Variants in SRRM4 observed in about 807,000 individuals in gnomAD.
SRRM4 encodes serine/arginine repetitive matrix 4.
SRRM4 carries 33 observed loss-of-function variants against 68.9 expected under a neutral mutation model. The ratio of observed to expected loss-of-function variants is 0.48; its 90% CI spans 0.36 to 0.64. SRRM4 has a LOEUF of 0.64. SRRM4 is among the 30% of genes least tolerant of loss of function. The probability of loss-of-function intolerance (pLI) is 0.00; values close to 1 mark genes in which losing one functional copy is unlikely to be tolerated. For missense variants in SRRM4, 817 were observed against 827.1 expected, an observed-to-expected ratio of 0.99 and a Z score of 0.15; for synonymous variants, 318 against 318.8, an observed-to-expected ratio of 1.00 and a Z score of 0.03.
At chr12:119,085,368 G>A (rs1953974096) in intron 1 of SRRM4, among the ~76,000 whole-genome samples, 1 of 152,218 alleles carries the variant, frequency 6.6e-6, no homozygotes, top group African/African-American at 2.4e-5. Flanking sequence ...GTAGTCAATT[G>A]CTCAAGGTCA....
At chr12:119,044,073 G>A (rs764000720) in intron 1 of SRRM4, among the ~76,000 whole-genome samples, 2 of 152,006 alleles carry the variant, frequency 1.3e-5, no homozygotes, top group Non-Finnish European at 2.9e-5. Flanking sequence ...CTCCATGTTG[G>A]TCAGGCTGGT....
chr12:119,058,565 C>T (rs1407604251), intron 1 of SRRM4, among the ~76,000 whole-genome samples: 1 of 152,180 alleles, frequency 6.6e-6, no homozygotes, highest in Non-Finnish European at 1.5e-5. Context: ...TGTTGGTCAC[C>T]TTGCTCTTCC....
intron 8 of SRRM4, among the ~76,000 whole-genome samples, chr12:119,144,883 A>G (rs1404376909): frequency 6.6e-6 from 1 of 152,192 alleles, no homozygotes; most frequent in Non-Finnish European, 1.5e-5. Context: ...TTCAAAAAAA[A>G]TTGTTAAATT....
At chr12:119,044,126 C>T (rs186322937) in intron 1 of SRRM4, among the ~76,000 whole-genome samples, 2 of 152,340 alleles carry the variant, frequency 1.3e-5, no homozygotes, top group African/African-American at 4.8e-5. Context: ...CTCGGCCTCC[C>T]GAAGTGCTGG....
At chr12:119,078,827 GGC>G (rs1565903644) in intron 1 of SRRM4, among the ~76,000 whole-genome samples, 4 of 152,178 alleles carry the variant, frequency 2.6e-5, no homozygotes, top group Non-Finnish European at 4.4e-5. Context: ...CTACTCTGGA[GGC>G]TGAGGCAGGA....
chr12:119,076,186 CA>C (rs1470740001), intron 1 of SRRM4, among the ~76,000 whole-genome samples: 11 of 152,222 alleles, frequency 7.2e-5, no homozygotes, highest in African/African-American at 2.6e-4. Flanking sequence ...ATGATAATGA[CA>C]GTGATGACAA....
At chr12:119,111,901 C>A (rs1353811416) in intron 2 of SRRM4, among the ~76,000 whole-genome samples, 1 of 152,040 alleles carries the variant, frequency 6.6e-6, no homozygotes, top group Admixed American at 6.6e-5. Context: ...CAAAAATTAG[C>A]CTGGCTTGGT....
rs1242262686 is a variant in SRRM4, at chr12:119,160,253, CTCTCTCTCTCTGTCTCTCTCTCTG to C, written c.*3479_*3502del. On this transcript the variant is annotated 3_prime_UTR_variant, in exon 13 of 13. Transcript: ENST00000267260. The stretch of plus-strand genomic sequence containing the variant: ...GCCTGCTTCGGGGAAATCTCTGCCT[CTCTCTCTCTCTGTCTCTCTCTCTG>C]TCTCTCTCTCTGTCTCTCTCTCTCT... 29 of 150,176 alleles carry C rather than the reference CTCTCTCTCTCTGTCTCTCTCTCTG, an allele frequency of 1.9e-4. 1 individual carries two copies. The East Asian group carries it at 5.7e-3, about 29-fold the overall frequency. The allele number at this position is 150,176 out of a possible 1,614,324, so 9.3% of individuals were successfully genotyped here. A position where few individuals can be genotyped will look rare whatever the true frequency, so the allele number is the denominator to read the frequency against.
chr12:118,987,673 G>A (rs1953290787), intron 1 of SRRM4, among the ~76,000 whole-genome samples: 1 of 152,180 alleles, frequency 6.6e-6, no homozygotes, highest in African/African-American at 2.4e-5. Flanking sequence ...TGTGAGGACT[G>A]GATGAGCTAA....
In SRRM4 at chr12:119,055,336, A is replaced by G. The variant is rs78734090; in HGVS notation, c.132-46900A>G. Among the ~76,000 whole-genome samples, 1,323 of 152,178 alleles carry G rather than the reference A, an allele frequency of 8.7e-3. 12 individuals carry two copies. Among genetic ancestry groups the G allele is most frequent in the African/African-American group, 0.019 (771 of 41,524 alleles). ...GTAACTCCCTCCCCACATGCCTCAC[A>G]AGACTATTCTAAAAAGCACACGCAA... On this transcript the variant is annotated intron_variant, in intron 1 of 12. Coordinates refer to ENST00000267260, the MANE Select transcript of SRRM4 (RefSeq NM_194286.4).
intron 1 of SRRM4, among the ~76,000 whole-genome samples, chr12:118,999,507 A>G (rs1045674718): frequency 3.3e-5 from 5 of 152,222 alleles, no homozygotes; most frequent in African/African-American, 1.2e-4. Flanking sequence ...GGCATATTGC[A>G]TTTAAAAGAG....
At chr12:119,140,460 C>T (rs1285805434) in intron 8 of SRRM4, among the ~76,000 whole-genome samples, 1 of 152,134 alleles carries the variant, frequency 6.6e-6, no homozygotes, top group African/African-American at 2.4e-5. Context: ...TCTCTAATTG[C>T]ATTTTTGTAC....
chr12:119,148,008 C>A (rs1954415140), intron 9 of SRRM4, among the ~76,000 whole-genome samples: 1 of 151,668 alleles, frequency 6.6e-6, no homozygotes, highest in Non-Finnish European at 1.5e-5. Flanking sequence ...ATGGAACAGT[C>A]CTTTTTCTCA....
At chr12:119,140,364 C>T (rs1195078259) in intron 8 of SRRM4, among the ~76,000 whole-genome samples, 1 of 142,010 alleles carries the variant, frequency 7.0e-6, no homozygotes, top group Non-Finnish European at 1.5e-5. Context: ...GGCAACAGAG[C>T]GAGACTCTGT....
chr12:119,129,580 C>A (rs1228961585), intron 7 of SRRM4, among the ~76,000 whole-genome samples: 1 of 152,224 alleles, frequency 6.6e-6, no homozygotes, highest in African/African-American at 2.4e-5. Flanking sequence ...CCCAGACATA[C>A]ACATAGTCAC....
chr12:119,145,263 C>CCT (rs931761848), intron 8 of SRRM4, 118 bp from the exon 9 acceptor site: 29 of 882,966 alleles, frequency 3.3e-5, no homozygotes, highest in Admixed American at 1.4e-4. Flanking sequence ...TCTTTCTTCT[C>CCT]CTCTCTCTCT....
chr12:119,043,867 T>C (rs1341109889), intron 1 of SRRM4, among the ~76,000 whole-genome samples: 3 of 151,400 alleles, frequency 2.0e-5, no homozygotes, highest in Non-Finnish European at 4.4e-5. Flanking sequence ...CCCTGGACTT[T>C]TGTTTTTTGT....
At chr12:119,035,883 G>A (rs1048835854) in intron 1 of SRRM4, among the ~76,000 whole-genome samples, 1 of 152,022 alleles carries the variant, frequency 6.6e-6, no homozygotes, top group African/African-American at 2.4e-5. Context: ...TTATCTGCTG[G>A]CCCCTGGCTT....
At position 119,159,161 on chromosome 12, in the gene SRRM4, C is replaced by G. The variant is rs563769319; in HGVS notation, c.*2363C>G. On this transcript the variant is annotated 3_prime_UTR_variant, in exon 13 of 13. Transcript: ENST00000267260. ...AGCCTGGAACACCCTGGGGTTGGCC[C>G]AGAAGGAGGCACATCAGTCCCAAAA... The G allele has an allele frequency of 6.6e-6, 1 of 152,200 alleles. No individual in the cohort carries two copies. The highest frequency in any genetic ancestry group is 6.5e-5 in the Admixed American group (1 of 15,278). 9.4% of individuals were successfully genotyped at this position (152,200 alleles called of 1,614,324 possible).
Sources: allele counts gnomAD v4.1 joint callset (sites outside exome capture counted in the v4.1 genomes callset), GRCh38; gene constraint gnomAD v4.1.1; transcripts MANE v1.5; gene names NCBI Gene and HGNC (gene_info 2026-07-23, HGNC 2026-07-21).